Variants in SGK3 observed in about 807,000 individuals in gnomAD.
SGK3 encodes serine/threonine-protein kinase Sgk3.
SGK3 carries 47 observed loss-of-function variants against 68.5 expected under a neutral mutation model. That is an observed-to-expected ratio of 0.69 (90% CI 0.54 to 0.87). SGK3 has a LOEUF of 0.87. Ranked by LOEUF, SGK3 falls within the 40% of genes least tolerant of loss-of-function variation. The pLI is 0.00. For synonymous variants in SGK3, 181 were observed against 189.1 expected (o/e 0.96, Z 0.35); for missense variants, 479 against 575.5 (o/e 0.83, Z 1.72).
chr8:66,810,281 A>T (rs1808332412), intron 4 of SGK3, among the ~76,000 whole-genome samples: 1 of 152,214 alleles, frequency 6.6e-6, no homozygotes, highest in Non-Finnish European at 1.5e-5. Context: ...TCCAGAAAAA[A>T]AAAAAATAAA....
chr8:66,793,793 C>A lies in SGK3; in HGVS notation c.57C>A (p.Pro19=). The change falls in exon 2 of 17, where the codon CCC becomes CCA. Residue 19 remains proline (P), a synonymous_variant. Transcript: ENST00000521198. ...AAAGCTGCCCAAGTGTAAGCATTCC[C>A]AGCTCCGATGAACACAGAGAGAAAA... ...YKESCPSVSI[P]SSDEHREKKK... 6.2e-7 allele frequency: 1 copy of A among 1,613,344 alleles called. No homozygotes were observed. The highest frequency in any genetic ancestry group is 8.5e-7 in the Non-Finnish European group (1 of 1,179,580).
At chr8:66,757,887 C>T (rs1026237140) in intron 1 of SGK3, among the ~76,000 whole-genome samples, 5 of 147,448 alleles carry the variant, frequency 3.4e-5, no homozygotes, top group Non-Finnish European at 7.4e-5. Context: ...TGCACTCCAG[C>T]CTGGGAAACA....
intron 1 of SGK3, chr8:66,775,480 G>C (rs1413611225): frequency 6.6e-6 from 1 of 152,400 alleles, no homozygotes; most frequent in Non-Finnish European, 1.5e-5. Flanking sequence ...GGGGCGGGGC[G>C]CGCGGGCGGC....
At chr8:66,767,404 TCTATGTCAGAGC>T in intron 1 of SGK3, 1 of 1,279,070 alleles carries the variant, frequency 7.8e-7, no homozygotes. Flanking sequence ...AATTTAAATA[TCTATGTCAGAGC>T]AAACAGGTGG....
intron 4 of SGK3, among the ~76,000 whole-genome samples, chr8:66,809,881 CT>C (rs1171221151): frequency 6.6e-6 from 1 of 152,162 alleles, no homozygotes; most frequent in Admixed American, 6.5e-5. Context: ...GCCTCAGCTC[CT>C]TGTGAGTGGG....
intron 15 of SGK3, among the ~76,000 whole-genome samples, chr8:66,848,254 A>C (rs1262765762): frequency 6.6e-6 from 1 of 152,124 alleles, no homozygotes; most frequent in Non-Finnish European, 1.5e-5. Flanking sequence ...CTCTAGATGA[A>C]TCCAACTATC....
chr8:66,751,095 C>G (rs746046081), intron 1 of SGK3, among the ~76,000 whole-genome samples: 13 of 151,178 alleles, frequency 8.6e-5, no homozygotes, highest in Non-Finnish European at 1.8e-4. Context: ...GTCAGGAGAT[C>G]GAGACCATCC....
chr8:66,812,869 G>A (rs904253780), intron 4 of SGK3, among the ~76,000 whole-genome samples: 12 of 152,298 alleles, frequency 7.9e-5, no homozygotes, highest in Admixed American at 7.2e-4. Flanking sequence ...AGAAAAGTGT[G>A]TATTTCAAAG....
intron 1 of SGK3, among the ~76,000 whole-genome samples, chr8:66,791,278 G>A (rs908685830): frequency 4.6e-5 from 7 of 152,196 alleles, no homozygotes; most frequent in African/African-American, 1.2e-4. Flanking sequence ...CCCAGCCAGA[G>A]GACAAAAGCA....
At chr8:66,749,005 C>G (rs570362128) in intron 1 of SGK3, among the ~76,000 whole-genome samples, 1 of 152,120 alleles carries the variant, frequency 6.6e-6, no homozygotes, top group Non-Finnish European at 1.5e-5. Context: ...AGCGATCCTC[C>G]CATCTCAGCC....
chr8:66,728,656 C>T (rs78319556), intron 1 of SGK3, among the ~76,000 whole-genome samples: 19,935 of 151,988 alleles, frequency 0.13, 2,503 homozygotes, highest in African/African-American at 0.33. Flanking sequence ...AAATATCCTG[C>T]TGTTGGGATG....
intron 1 of SGK3, among the ~76,000 whole-genome samples, chr8:66,772,516 T>C (rs1806544086): frequency 6.6e-6 from 1 of 150,936 alleles, no homozygotes; most frequent in Non-Finnish European, 1.5e-5. Flanking sequence ...TACCTCAGCC[T>C]CCCAAGTAGC....
chr8:66,840,348 AT>A, intron 12 of SGK3, 101 bp downstream of exon 12: 1 of 1,145,862 alleles, frequency 8.7e-7, no homozygotes, highest in Non-Finnish European at 1.2e-6. Context: ...GCGTTATTTT[AT>A]TTATATAACA....
At chr8:66,845,856 C>A (rs1056754952) in intron 14 of SGK3, among the ~76,000 whole-genome samples, 10 of 151,742 alleles carry the variant, frequency 6.6e-5, no homozygotes, top group Non-Finnish European at 1.2e-4. Context: ...CTGTGCCTGG[C>A]GTCACTTTTT....
chr8:66,816,312 T>A (rs2130651379), intron 5 of SGK3, among the ~76,000 whole-genome samples: 1 of 151,492 alleles, frequency 6.6e-6, no homozygotes, highest in East Asian at 2.0e-4. Context: ...ACTGGCATTT[T>A]CTTTTTAGCA....
intron 14 of SGK3, 65 bp downstream of exon 14, chr8:66,843,612 C>G: frequency 1.3e-6 from 2 of 1,513,450 alleles, no homozygotes; most frequent in Non-Finnish European, 1.8e-6. Context: ...GTCTGTCTCT[C>G]CCACCTTAAG....
At chr8:66,832,392 C>G (rs1287556392) in intron 8 of SGK3, among the ~76,000 whole-genome samples, 1 of 151,982 alleles carries the variant, frequency 6.6e-6, no homozygotes, top group Non-Finnish European at 1.5e-5. Context: ...TTTGGTAACT[C>G]TAGTTTGTTT....
At position 66,838,272 on chromosome 8, in the gene SGK3, G is replaced by A. The variant is rs1279846459; in HGVS notation, c.742-1731G>A. Among the ~76,000 whole-genome samples, 3 of 152,226 alleles carry A rather than the reference G, an allele frequency of 2.0e-5. No individual in the cohort carries two copies. The South Asian group carries it at 6.2e-4, about 32-fold the overall frequency. ...GTAGAGACGGGGTTTCGCCATGTTG[G>A]CCAGGGTGGTCTCAAACTCCTGACC... On this transcript the variant is annotated intron_variant, in intron 10 of 16. Coordinates refer to ENST00000521198, the MANE Select transcript of SGK3 (RefSeq NM_001033578.3).
chr8:66,811,332 A>C (rs1472799855), intron 4 of SGK3, among the ~76,000 whole-genome samples: 1 of 152,150 alleles, frequency 6.6e-6, no homozygotes, highest in East Asian at 1.9e-4. Context: ...TAAAATTTCT[A>C]ATTGAAATTT....
Sources: gnomAD v4.1 joint callset for allele counts (sites outside exome capture counted in the v4.1 genomes callset) on GRCh38, gnomAD v4.1.1 for gene constraint, MANE v1.5 for transcripts, NCBI Gene and HGNC (gene_info 2026-07-23, HGNC 2026-07-21) for gene names.